IQCH: variants seen among roughly 807,000 people sequenced by gnomAD.
The protein encoded by IQCH is IQ motif containing H.
Under a neutral mutation model 117.0 loss-of-function variants are expected in IQCH, and 98 were observed. The ratio of observed to expected loss-of-function variants is 0.84; its 90% CI spans 0.71 to 0.99. IQCH has a LOEUF of 0.99. Among genes scored for constraint, IQCH ranks in the 50% least tolerant of loss-of-function variants. The pLI, the probability that IQCH is intolerant of heterozygous loss-of-function variation, is 0.00. For synonymous variants in IQCH, 412 were observed against 448.2 expected, an observed-to-expected ratio of 0.92 and a Z score of 1.02; for missense variants, 1,102 against 1,243.8, an observed-to-expected ratio of 0.89 and a Z score of 1.72.
chr15:67,287,220 C>T (rs1390001732), intron 4 of IQCH, among the ~76,000 whole-genome samples: 1 of 151,996 alleles, frequency 6.6e-6, no homozygotes, highest in East Asian at 1.9e-4. Context: ...GATATTGGCC[C>T]ATAGTTTTTT....
chr15:67,283,921 A>T (rs760301156), intron 4 of IQCH, among the ~76,000 whole-genome samples: 1 of 152,112 alleles, frequency 6.6e-6, no homozygotes, highest in Non-Finnish European at 1.5e-5. Context: ...TTGTGAGTAC[A>T]TAGTGGGTGT....
At chr15:67,372,826 C>T (rs1970596693) in intron 9 of IQCH, among the ~76,000 whole-genome samples, 164 bp downstream of exon 9, 1 of 151,986 alleles carries the variant, frequency 6.6e-6, no homozygotes, top group Non-Finnish European at 1.5e-5. Context: ...GCACAAACCC[C>T]ACATTTGTTT....
At chr15:67,279,928 A>G (rs946727367) in intron 4 of IQCH, among the ~76,000 whole-genome samples, 27 of 152,184 alleles carry the variant, frequency 1.8e-4, no homozygotes, top group African/African-American at 5.8e-4. Flanking sequence ...AGGCAGGAGA[A>G]TGGCGTGAAC....
Position 67,467,956 on chromosome 15 carries a change from C to G in IQCH, c.2676+2659C>G, listed in dbSNP as rs886120111. ...AAGAGCTGTTGTCTCATCTCAGAAA[C>G]AGGTGGGAGAACTGTCACTCAGACC... is the stretch of plus-strand genomic sequence containing the variant. On this transcript the variant is annotated intron_variant, in intron 17 of 20. Transcript: ENST00000335894. The surrounding 1 kb of genome is among the most constrained non-coding windows in gnomAD (Gnocchi z 5.7). Among the ~76,000 whole-genome samples, 5 of 152,144 alleles carry G rather than the reference C, an allele frequency of 3.3e-5. No homozygotes were observed. The highest frequency in any genetic ancestry group is 9.7e-5 in the African/African-American group (4 of 41,422).
At chr15:67,304,965 T>G (rs952098963) in intron 4 of IQCH, among the ~76,000 whole-genome samples, 7 of 151,810 alleles carry the variant, frequency 4.6e-5, no homozygotes, top group African/African-American at 1.5e-4. Context: ...AGATCTGCAG[T>G]AAGAGATCTC....
intron 10 of IQCH, among the ~76,000 whole-genome samples, chr15:67,380,892 G>A (rs752324984): frequency 6.6e-6 from 1 of 152,186 alleles, no homozygotes; most frequent in African/African-American, 2.4e-5. Flanking sequence ...AGGCTAGAGC[G>A]ATGAGATAAA....
At chr15:67,355,314 C>T (rs146283912) in intron 6 of IQCH, among the ~76,000 whole-genome samples, 261 of 152,112 alleles carry the variant, frequency 1.7e-3, no homozygotes, top group Non-Finnish European at 2.8e-3. Flanking sequence ...TGGCCGGGCG[C>T]GGTGGCTCAC....
chr15:67,460,954 T>C (rs1049180459), intron 16 of IQCH, among the ~76,000 whole-genome samples: 5 of 152,208 alleles, frequency 3.3e-5, no homozygotes, highest in Non-Finnish European at 7.3e-5. Context: ...TTTAAATTCA[T>C]CCAAGTCTCC....
intron 4 of IQCH, among the ~76,000 whole-genome samples, chr15:67,323,524 G>A (rs1567096168): frequency 6.6e-6 from 1 of 152,056 alleles, no homozygotes; most frequent in Admixed American, 6.5e-5. Flanking sequence ...TTACAGGTGT[G>A]AGCCACCGTG....
intron 4 of IQCH, among the ~76,000 whole-genome samples, chr15:67,285,633 G>A (rs1966532577): frequency 1.3e-5 from 2 of 152,128 alleles, no homozygotes; most frequent in South Asian, 2.1e-4. Context: ...TTTGTGTGTG[G>A]TGTAAGGAAG....
chr15:67,421,240 G>T, intron 15 of IQCH, 51 bp from the exon 16 acceptor site: 1 of 1,515,268 alleles, frequency 6.6e-7, no homozygotes, highest in Non-Finnish European at 9.0e-7. Flanking sequence ...CTGAGCCCAA[G>T]TCAAACAAAA....
At chr15:67,286,090 T>G (rs1272598594) in intron 4 of IQCH, among the ~76,000 whole-genome samples, 2 of 152,230 alleles carry the variant, frequency 1.3e-5, no homozygotes, top group Admixed American at 6.5e-5. Flanking sequence ...TTTCCCTTTT[T>G]TGATATCCTT....
Position 67,381,982 on chromosome 15 carries a change from A to G in IQCH, c.1373-2954A>G, listed in dbSNP as rs962448741. On this transcript the variant is annotated intron_variant, in intron 10 of 20. Coordinates refer to ENST00000335894, the MANE Select transcript of IQCH (RefSeq NM_001031715.3). The surrounding 1 kb of genome is among the most constrained non-coding windows in gnomAD (Gnocchi z 5.1). ...GGGCAACAGAGTGATACCCTGTCAA[A>G]AAAAAAAAAAGAATTAAAAGATTTT... Among the ~76,000 whole-genome samples the G allele has an allele frequency of 1.2e-4, 18 of 150,854 alleles. No homozygotes were observed. The East Asian group carries it at 1.4e-3, about 11-fold the overall frequency.
Position 67,404,552 on chromosome 15 carries a change from C to A in IQCH, c.2097+4247C>A, listed in dbSNP as rs984836979. On this transcript the variant is annotated intron_variant, in intron 14 of 20. Coordinates refer to ENST00000335894, the MANE Select transcript of IQCH (RefSeq NM_001031715.3). The surrounding 1 kb of genome is among the most constrained non-coding windows in gnomAD (Gnocchi z 4.6). ...AAATTTAAAAGTACATAATCACTGT[C>A]CCCAAACATAGTTGTTTTCATTTTT... 1.3e-5 allele frequency: 2 copies of A among 152,148 alleles called. No homozygotes were observed. The highest frequency in any genetic ancestry group is 6.5e-5 in the Admixed American group (1 of 15,272). The allele number at this position is 152,148 out of a possible 1,614,324, so 9.4% of individuals were successfully genotyped here.
chr15:67,382,421 C>A (rs143433725), intron 10 of IQCH, among the ~76,000 whole-genome samples: 76 of 152,164 alleles, frequency 5.0e-4, no homozygotes, highest in Non-Finnish European at 1.6e-4. Context: ...ACCTTAATTC[C>A]ATTAGCAACT....
At position 67,490,177 on chromosome 15, in the gene IQCH, C is replaced by A; in HGVS notation, c.2861+113C>A. The A allele has an allele frequency of 1.3e-6, 1 of 788,868 alleles. No homozygotes were observed. Among genetic ancestry groups the A allele is most frequent in the Non-Finnish European group, 2.2e-6 (1 of 462,570 alleles). The allele number at this position is 788,868 out of a possible 1,614,324, so 48.9% of individuals were successfully genotyped here. On this transcript the variant is annotated intron_variant, in intron 19 of 20. Transcript: ENST00000335894. This position sits in a 1 kb window ranked among gnomAD's most constrained non-coding sequence, Gnocchi z 4.9. ...ATCAGCATGCTGATTTATTAGAAGT[C>A]TATCTTTATTTAGATCTTCAGGTAT...
At position 67,388,785 on chromosome 15, in the gene IQCH, C is replaced by A. The variant is rs1225922269; in HGVS notation, c.1457-46C>A. On this transcript the variant is annotated intron_variant, in intron 11 of 20. Coordinates refer to ENST00000335894, the MANE Select transcript of IQCH (RefSeq NM_001031715.3). This position sits in a 1 kb window ranked among gnomAD's most constrained non-coding sequence, Gnocchi z 5.5. ...AATCGGATGCCAGAGTTCATAATGTCATTTACCTTCACACCAGTAATTAAC... is the reference window on the plus strand; with the variant it reads ...AATCGGATGCCAGAGTTCATAATGTAATTTACCTTCACACCAGTAATTAAC... 2.7e-6 allele frequency: 4 copies of A among 1,496,672 alleles called. No homozygotes were observed. Among genetic ancestry groups the A allele is most frequent in the South Asian group, 1.1e-5 (1 of 87,054 alleles). The allele number at this position is 1,496,672 out of a possible 1,614,324, so 92.7% of individuals were successfully genotyped here.
At chr15:67,444,165 C>T (rs1470832907) in intron 16 of IQCH, among the ~76,000 whole-genome samples, 2 of 152,218 alleles carry the variant, frequency 1.3e-5, no homozygotes, top group African/African-American at 4.8e-5. Flanking sequence ...AGTTGAACAG[C>T]TTAAAGCCAG....
In IQCH at chr15:67,479,409, T is replaced by C. The variant is rs955808537; in HGVS notation, c.2799+3591T>C. Among the ~76,000 whole-genome samples the C allele has an allele frequency of 2.0e-5, 3 of 152,232 alleles. No individual in the cohort carries two copies. Among genetic ancestry groups the C allele is most frequent in the African/African-American group, 7.2e-5 (3 of 41,526 alleles). ...CACAAGGTGTCCCCTATATAAGCCC[T>C]TTTCCCCCTAAGGACTGTTTCCCAC... On this transcript the variant is annotated intron_variant, in intron 18 of 20. Transcript: ENST00000335894. The surrounding 1 kb of genome is among the most constrained non-coding windows in gnomAD (Gnocchi z 4.6).
Sources: allele counts gnomAD v4.1 joint callset (sites outside exome capture counted in the v4.1 genomes callset), GRCh38; gene constraint gnomAD v4.1.1; non-coding constraint Gnocchi (gnomAD v3.1); transcripts MANE v1.5; gene names NCBI Gene and HGNC (gene_info 2026-07-23, HGNC 2026-07-21).